ASAP3: variants seen among roughly 807,000 people sequenced by gnomAD.
ASAP3 encodes arf-GAP with SH3 domain, ANK repeat and PH domain-containing protein 3.
Under a neutral mutation model 118.2 loss-of-function variants are expected in ASAP3, and 85 were observed. The observed-to-expected ratio is 0.72, with a 90% CI of 0.60 to 0.86. ASAP3 has a LOEUF of 0.86. Among genes scored for constraint, ASAP3 ranks in the 40% least tolerant of loss-of-function variants. The pLI is 0.00. For synonymous variants in ASAP3, 432 were observed against 477.4 expected, an observed-to-expected ratio of 0.90 and a Z score of 1.24; for missense variants, 1,026 against 1,175.0, an observed-to-expected ratio of 0.87 and a Z score of 1.85.
intron 1 of ASAP3, chr1:23,479,720 A>G (rs1004286942): frequency 6.6e-6 from 1 of 152,220 alleles, no homozygotes; most frequent in Non-Finnish European, 1.5e-5. Flanking sequence ...TTAGGTAAAC[A>G]TTCCCCCAGC....
intron 1 of ASAP3, among the ~76,000 whole-genome samples, chr1:23,483,347 G>C (rs979164616): frequency 6.6e-6 from 1 of 152,194 alleles, no homozygotes; most frequent in Non-Finnish European, 1.5e-5. Flanking sequence ...TCAGAGAAGA[G>C]GAATGGAAGG....
chr1:23,468,405 A>AT (rs897617331), intron 1 of ASAP3, among the ~76,000 whole-genome samples: 2 of 152,158 alleles, frequency 1.3e-5, no homozygotes, highest in African/African-American at 4.8e-5. Flanking sequence ...TCTTTCCCAT[A>AT]TTTTTCAATC....
chr1:23,483,574 A>AG (rs1210092902), intron 1 of ASAP3, among the ~76,000 whole-genome samples: 1 of 151,140 alleles, frequency 6.6e-6, no homozygotes, highest in Non-Finnish European at 1.5e-5. Context: ...CGCAAGCGGG[A>AG]GGGGGCCTCT....
upstream of ASAP3, chr1:23,484,320 C>T (rs1344237556): frequency 2.0e-6 from 1 of 503,466 alleles, no homozygotes; most frequent in Non-Finnish European, 2.9e-6. Context: ...GCCCCCGGCT[C>T]CTCGCCTTCC....
chr1:23,432,004 A>ATTTTT, intron 22 of ASAP3, 86 bp from the exon 23 acceptor site: 1 of 622,652 alleles, frequency 1.6e-6, no homozygotes, highest in Non-Finnish European at 2.3e-6. Context: ...GGCCTCTAGG[A>ATTTTT]TTTTTTTTTT....
chr1:23,459,080 G>C (rs1641483394), intron 1 of ASAP3, among the ~76,000 whole-genome samples: 1 of 138,754 alleles, frequency 7.2e-6, no homozygotes, highest in Admixed American at 8.4e-5. Context: ...TGAGGAAGGA[G>C]AATCTCTTGA....
chr1:23,463,658 A>G lies in ASAP3; in HGVS notation c.130-7464T>C, dbSNP rs186811854. On this transcript the variant is annotated intron_variant, in intron 1 of 24. Coordinates refer to ENST00000336689, the MANE Select transcript of ASAP3 (RefSeq NM_017707.4). ...GCCCTGTTGCCCAGCCTGGAGTGCA[A>G]TGGCACAATCTCGGCTCACTGCAAC... Among the ~76,000 whole-genome samples, 712 of 152,098 alleles carry G rather than the reference A, an allele frequency of 4.7e-3. 9 individuals carry two copies. The highest frequency in any genetic ancestry group is 0.011 in the South Asian group (52 of 4,820).
chr1:23,468,151 C>G (rs1279574767), intron 1 of ASAP3, among the ~76,000 whole-genome samples: 1 of 151,996 alleles, frequency 6.6e-6, no homozygotes, highest in African/African-American at 2.4e-5. Context: ...CTCACACAGC[C>G]AAAATGTGGA....
chr1:23,430,044 TACAG>T (rs745380135), intron 24 of ASAP3, 114 bp from the exon 25 acceptor site: 135 of 925,764 alleles, frequency 1.5e-4, no homozygotes, highest in Admixed American at 5.4e-4. Context: ...ATTCTCATTT[TACAG>T]ACAAAGAAAC....
chr1:23,430,954 C>A, intron 24 of ASAP3, 81 bp downstream of exon 24: 3 of 1,340,090 alleles, frequency 2.2e-6, no homozygotes, highest in South Asian at 1.5e-5. Context: ...GGTCTCCCAC[C>A]CCAATACGCC....
chr1:23,435,729 G>C lies in ASAP3; in HGVS notation c.1749+122C>G. 4 of 1,158,214 alleles carry C rather than the reference G, an allele frequency of 3.5e-6. No individual in the cohort carries two copies. In the Admixed American group the frequency reaches 5.1e-5, roughly 15 times the overall value. The allele number at this position is 1,158,214 out of a possible 1,614,324, so 71.7% of individuals were successfully genotyped here. Reference sequence around the variant, plus strand: ...TGTGCTCTTTCCCACTTACCACTCTGATGGGTGAGATCTGAGCAGATGTCA... The same window carrying C: ...TGTGCTCTTTCCCACTTACCACTCTCATGGGTGAGATCTGAGCAGATGTCA... On this transcript the variant is annotated intron_variant, in intron 17 of 24. Coordinates refer to ENST00000336689, the MANE Select transcript of ASAP3 (RefSeq NM_017707.4).
At chr1:23,433,929 C>T (rs1204832460) in intron 19 of ASAP3, among the ~76,000 whole-genome samples, 1 of 152,216 alleles carries the variant, frequency 6.6e-6, no homozygotes, top group Non-Finnish European at 1.5e-5. Context: ...AATTAACATA[C>T]AAAAAGCACT....
intron 1 of ASAP3, among the ~76,000 whole-genome samples, chr1:23,456,626 A>C (rs1641396904): frequency 6.6e-6 from 1 of 152,234 alleles, no homozygotes; most frequent in South Asian, 2.1e-4. Flanking sequence ...TGAGAAGATG[A>C]ATGATTTGTA....
intron 1 of ASAP3, among the ~76,000 whole-genome samples, chr1:23,483,168 T>C (rs527513566): frequency 1.8e-4 from 27 of 152,108 alleles, no homozygotes; most frequent in African/African-American, 6.5e-4. Flanking sequence ...ACACTTAAGG[T>C]GAAGGGTGGA....
chr1:23,457,868 T>C (rs1186807749), intron 1 of ASAP3, among the ~76,000 whole-genome samples: 1 of 152,208 alleles, frequency 6.6e-6, no homozygotes, highest in Non-Finnish European at 1.5e-5. Context: ...AATGGGGAAA[T>C]CGATGCCTAC....
At chr1:23,430,647 A>G (rs915136892) in intron 24 of ASAP3, among the ~76,000 whole-genome samples, 1 of 152,114 alleles carries the variant, frequency 6.6e-6, no homozygotes, top group Admixed American at 6.5e-5. Flanking sequence ...GGCTAACACA[A>G]CTTTCCTCAT....
intron 11 of ASAP3, 27 bp downstream of exon 11, chr1:23,439,134 G>A (rs746266155): frequency 5.6e-6 from 9 of 1,612,586 alleles, no homozygotes; most frequent in South Asian, 1.1e-5. Context: ...ATCGTGCCCT[G>A]AGACTCCCAC....
intron 1 of ASAP3, among the ~76,000 whole-genome samples, chr1:23,466,717 G>A (rs1234741851): frequency 6.6e-6 from 1 of 152,194 alleles, no homozygotes; most frequent in Non-Finnish European, 1.5e-5. Flanking sequence ...GGTTACCAAG[G>A]CAACTCAAGC....
Position 23,484,046 on chromosome 1 carries a change from T to G in ASAP3, c.88A>C (p.Lys30Gln). The G allele has an allele frequency of 1.5e-6, 2 of 1,341,006 alleles. No homozygotes were observed. 83.1% of individuals were successfully genotyped at this position (1,341,006 alleles called of 1,614,324 possible). Residue 30 changes from lysine (K) to glutamine (Q), a missense_variant, in exon 1 of 25, where the codon AAG (lysine) becomes CAG (glutamine). Transcript: ENST00000336689. ...GCCGCCCCTCGGTACCGGGGCATCT[T>G]GGCGGCGAAGGCGGCGGCCCCAGCC... ...SPAGAAAFAA[K>Q]MPRYRGAALA...
Sources: allele counts gnomAD v4.1 joint callset (sites outside exome capture counted in the v4.1 genomes callset), GRCh38; gene constraint gnomAD v4.1.1; transcripts MANE v1.5; gene names NCBI Gene and HGNC (gene_info 2026-07-23, HGNC 2026-07-21).